The following DACH2 variants were observed in gnomAD, a reference collection of about 807,000 sequenced individuals.
DACH2 encodes the protein dachshund homolog 2.
Under a neutral mutation model 35.8 loss-of-function variants are expected in DACH2, and 17 were observed. The observed-to-expected ratio is 0.48, with a 90% confidence interval of 0.33 to 0.71. DACH2 has a LOEUF of 0.71. DACH2 is among the 30% of genes least tolerant of loss of function. The pLI is 0.02. For missense variants in DACH2, 469 were observed against 472.7 expected (o/e 0.99, Z 0.07); for synonymous variants, 195 against 177.3 (o/e 1.10, Z -0.79).
At chrX:86,373,442 T>C (rs781032631) in intron 1 of DACH2, among the ~76,000 whole-genome samples, 2 of 111,384 alleles carry the variant, frequency 1.8e-5, no homozygotes, top group East Asian at 5.7e-4. Context: ...ATCAACCTTA[T>C]TATGTCCCCA....
chrX:86,213,718 C>A (rs1054634629), intron 1 of DACH2, among the ~76,000 whole-genome samples: 4 of 110,507 alleles, frequency 3.6e-5, no homozygotes, highest in African/African-American at 1.3e-4. Flanking sequence ...AGGAAGAGTT[C>A]ATGACTTAAA....
intron 1 of DACH2, among the ~76,000 whole-genome samples, chrX:86,295,176 A>C (rs1237301158): frequency 9.0e-6 from 1 of 111,244 alleles, no homozygotes; most frequent in Non-Finnish European, 1.9e-5. Flanking sequence ...GAGTGACCCG[A>C]TTTTCCAGGT....
chrX:86,534,218 C>T (rs1170885738), intron 3 of DACH2, among the ~76,000 whole-genome samples: 1 of 111,567 alleles, frequency 9.0e-6, no homozygotes, highest in Non-Finnish European at 1.9e-5. Context: ...AGGTAAAGTG[C>T]CCCAAGTTGA....
chrX:86,732,844 C>G (rs2041546895), intron 6 of DACH2, among the ~76,000 whole-genome samples: 1 of 111,366 alleles, frequency 9.0e-6, no homozygotes, highest in Non-Finnish European at 1.9e-5. Flanking sequence ...AAGTGGCTTC[C>G]TCTATGTAGG....
intron 7 of DACH2, among the ~76,000 whole-genome samples, chrX:86,771,111 G>A (rs2041984500): frequency 8.8e-6 from 1 of 113,021 alleles, no homozygotes; most frequent in African/African-American, 3.2e-5. Context: ...GGCTTGTGCT[G>A]ACATAATATC....
intron 2 of DACH2, among the ~76,000 whole-genome samples, chrX:86,496,193 C>T (rs1052816857): frequency 9.0e-6 from 1 of 111,314 alleles, no homozygotes; most frequent in African/African-American, 3.3e-5. Context: ...GGAAGTGAAA[C>T]GTTTATCTAA....
chrX:86,524,470 A>G (rs1270227132), intron 3 of DACH2, among the ~76,000 whole-genome samples: 1 of 112,327 alleles, frequency 8.9e-6, no homozygotes, highest in African/African-American at 3.2e-5. Context: ...GGTGCTCACA[A>G]AGAAACATTG....
intron 1 of DACH2, among the ~76,000 whole-genome samples, chrX:86,210,459 A>C: frequency 8.9e-6 from 1 of 111,802 alleles, no homozygotes. Flanking sequence ...AATTTTTAAA[A>C]AAATCTCAAA....
intron 2 of DACH2, among the ~76,000 whole-genome samples, chrX:86,389,686 A>G (rs1351458758): frequency 8.9e-6 from 1 of 112,162 alleles, no homozygotes; most frequent in Non-Finnish European, 1.9e-5. Flanking sequence ...TGTTAGGTTT[A>G]GGTTATTATG....
In DACH2 at chrX:86,628,108, C is replaced by T. The variant is rs1248988723; in HGVS notation, c.641-22928C>T. Among the ~76,000 whole-genome samples the T allele has an allele frequency of 4.5e-5, 5 of 112,251 alleles. No individual in the cohort carries two copies. In the South Asian group the frequency reaches 1.1e-3, roughly 25 times the overall value. ...TCTGAACATGCATTTTGTTATTCTG[C>T]AGTCATTTCCTGGGCATCACCATGG... On this transcript the variant is annotated intron_variant, in intron 3 of 11. Transcript: ENST00000373125.
intron 1 of DACH2, among the ~76,000 whole-genome samples, chrX:86,306,999 G>T (rs2034701686): frequency 9.0e-6 from 1 of 111,544 alleles, no homozygotes; most frequent in Non-Finnish European, 1.9e-5. Context: ...TCCTTGGCAT[G>T]AACTATTTAG....
chrX:86,717,619 A>G (rs2041352337), intron 6 of DACH2, among the ~76,000 whole-genome samples: 1 of 108,411 alleles, frequency 9.2e-6, no homozygotes, highest in Non-Finnish European at 1.9e-5. Flanking sequence ...CATGAAATGT[A>G]GGATAAATTT....
At chrX:86,684,320 G>T (rs891418792) in intron 4 of DACH2, among the ~76,000 whole-genome samples, 1 of 111,887 alleles carries the variant, frequency 8.9e-6, no homozygotes, top group Non-Finnish European at 1.9e-5. Flanking sequence ...TACTTTGTGT[G>T]CAGGGATAAA....
intron 3 of DACH2, among the ~76,000 whole-genome samples, chrX:86,628,230 C>T (rs961123302): frequency 1.8e-5 from 2 of 112,113 alleles, no homozygotes; most frequent in African/African-American, 6.5e-5. Flanking sequence ...GTAAGGGTGA[C>T]ATTTTTAACA....
intron 1 of DACH2, among the ~76,000 whole-genome samples, chrX:86,213,772 G>A (rs941124200): frequency 8.1e-5 from 9 of 110,685 alleles, no homozygotes; most frequent in Admixed American, 4.8e-4. Context: ...AGAAACAATA[G>A]CTTCTTTTCT....
chrX:86,716,923 A>T (rs1381824016), intron 6 of DACH2, among the ~76,000 whole-genome samples: 4 of 112,218 alleles, frequency 3.6e-5, no homozygotes, highest in Non-Finnish European at 7.5e-5. Flanking sequence ...ACAATTTTAT[A>T]CAACTTTTTA....
intron 1 of DACH2, among the ~76,000 whole-genome samples, chrX:86,316,336 A>G (rs189008986): frequency 3.6e-5 from 4 of 110,060 alleles, no homozygotes; most frequent in East Asian, 5.8e-4. Context: ...GGCTCATTGT[A>G]TAAGTGTGAA....
intron 3 of DACH2, among the ~76,000 whole-genome samples, chrX:86,648,633 G>T (rs995873551): frequency 9.0e-6 from 1 of 110,750 alleles, no homozygotes; most frequent in African/African-American, 3.3e-5. Context: ...GGATTTAAGA[G>T]TTTCATAAGC....
chrX:86,290,181 A>C (rs2034249172), intron 1 of DACH2, among the ~76,000 whole-genome samples: 1 of 81,343 alleles, frequency 1.2e-5, no homozygotes, highest in African/African-American at 5.0e-5. Context: ...AGTGATGGTG[A>C]GCATTTTTTC....
Sources: allele counts gnomAD v4.1 joint callset (sites outside exome capture counted in the v4.1 genomes callset), GRCh38; gene constraint gnomAD v4.1.1; transcripts MANE v1.5; gene names NCBI Gene and HGNC (gene_info 2026-07-23, HGNC 2026-07-21).